The following LRRC4C variants were observed in gnomAD, a reference collection of about 807,000 sequenced individuals.
LRRC4C encodes the protein leucine-rich repeat-containing protein 4C.
LRRC4C carries 5 observed loss-of-function variants against 33.6 expected under a neutral mutation model. The ratio of observed to expected loss-of-function variants is 0.15; its 90% confidence interval spans 0.08 to 0.31. The LOEUF (loss-of-function observed/expected upper bound fraction) is 0.31, where lower values mean the gene tolerates loss of function less well. Ranked by LOEUF, LRRC4C falls within the 10% of genes least tolerant of loss-of-function variation. The pLI, the probability that LRRC4C is intolerant of heterozygous loss-of-function variation, is 1.00. For missense variants in LRRC4C, 560 were observed against 796.7 expected (o/e 0.70, Z 3.58); for synonymous variants, 329 against 302.0 (o/e 1.09, Z -0.93).
chr11:40,858,692 T>TAAAAAA (rs201131448), intron 2 of LRRC4C, among the ~76,000 whole-genome samples: 2 of 80,162 alleles, frequency 2.5e-5, no homozygotes, highest in African/African-American at 5.4e-5. Context: ...GACTCCTTCT[T>TAAAAAA]AAAAAAAAAA....
intron 3 of LRRC4C, among the ~76,000 whole-genome samples, chr11:40,619,332 A>C (rs1361295832): frequency 6.6e-6 from 1 of 151,780 alleles, no homozygotes; most frequent in Non-Finnish European, 1.5e-5. Flanking sequence ...TGGCTATCCC[A>C]TTCTTCATGG....
intron 1 of LRRC4C, among the ~76,000 whole-genome samples, chr11:41,438,697 C>T (rs1007672642): frequency 6.6e-6 from 1 of 152,138 alleles, no homozygotes; most frequent in Non-Finnish European, 1.5e-5. Context: ...TTTGGCTCCA[C>T]GTCAGCTTTT....
At chr11:41,427,025 T>C (rs939531918) in intron 1 of LRRC4C, among the ~76,000 whole-genome samples, 3 of 152,204 alleles carry the variant, frequency 2.0e-5, no homozygotes, top group Non-Finnish European at 4.4e-5. Context: ...CAGAACCAAT[T>C]TGATAATTTC....
chr11:40,359,518 C>G (rs1386364493), intron 3 of LRRC4C, among the ~76,000 whole-genome samples: 2 of 152,126 alleles, frequency 1.3e-5, no homozygotes, highest in Non-Finnish European at 2.9e-5. Context: ...GATGTGTATA[C>G]AAAACATCAC....
chr11:41,282,479 A>G (rs561008691), intron 1 of LRRC4C, among the ~76,000 whole-genome samples: 3 of 152,314 alleles, frequency 2.0e-5, no homozygotes, highest in Admixed American at 1.3e-4. Context: ...GCACTAACCA[A>G]TTCCAATGGG....
intron 3 of LRRC4C, among the ~76,000 whole-genome samples, chr11:40,464,181 C>G (rs1565414760): frequency 6.6e-6 from 1 of 151,908 alleles, no homozygotes; most frequent in Non-Finnish European, 1.5e-5. Context: ...GTATTTCATA[C>G]ACAAATCAAT....
intron 2 of LRRC4C, among the ~76,000 whole-genome samples, chr11:40,760,581 A>G (rs921164863): frequency 6.6e-6 from 1 of 151,606 alleles, no homozygotes; most frequent in African/African-American, 2.4e-5. Flanking sequence ...ATCATTTATT[A>G]TTTAGGATTG....
intron 3 of LRRC4C, among the ~76,000 whole-genome samples, chr11:40,455,200 C>T (rs538061399): frequency 1.2e-4 from 18 of 152,246 alleles, no homozygotes; most frequent in Middle Eastern, 3.4e-3. Flanking sequence ...GCTCCTGAAG[C>T]CCATATTTAA....
At chr11:41,329,491 A>T (rs941980390) in intron 1 of LRRC4C, among the ~76,000 whole-genome samples, 5 of 152,198 alleles carry the variant, frequency 3.3e-5, no homozygotes, top group African/African-American at 4.8e-5. Context: ...TGTAACCATG[A>T]TCCAAACATC....
intron 1 of LRRC4C, among the ~76,000 whole-genome samples, chr11:41,147,093 T>A (rs928986922): frequency 6.6e-6 from 1 of 152,218 alleles, no homozygotes; most frequent in Non-Finnish European, 1.5e-5. Context: ...TGAGTATTAT[T>A]TTTCTGGTGT....
Position 40,548,491 on chromosome 11 carries a change from T to C in LRRC4C, c.-270+99651A>G, listed in dbSNP as rs139972687. On this transcript the variant is annotated intron_variant, in intron 3 of 6. Transcript: ENST00000528697. The stretch of plus-strand genomic sequence containing the variant: ...GAAGAGATCCTTCCTGCACAGCTCC[T>C]AGAAGGAAACAACCATGGTGACACC... Among the ~76,000 whole-genome samples, 30 of 152,208 alleles carry C rather than the reference T, an allele frequency of 2.0e-4. No individual in the cohort carries two copies. In the East Asian group the frequency reaches 3.9e-3, roughly 20 times the overall value.
intron 2 of LRRC4C, among the ~76,000 whole-genome samples, chr11:40,708,342 G>T (rs529522072): frequency 6.6e-6 from 1 of 152,142 alleles, no homozygotes; most frequent in Non-Finnish European, 1.5e-5. Flanking sequence ...TTTCTTTTGT[G>T]GGCATTTAGT....
intron 1 of LRRC4C, among the ~76,000 whole-genome samples, chr11:41,007,405 A>T (rs2137472720): frequency 6.6e-6 from 1 of 152,224 alleles, no homozygotes; most frequent in African/African-American, 2.4e-5. Flanking sequence ...GCCAAGGATT[A>T]TACAATTTGG....
chr11:40,833,947 C>G (rs1952538785), intron 2 of LRRC4C, among the ~76,000 whole-genome samples: 1 of 152,060 alleles, frequency 6.6e-6, no homozygotes, highest in Non-Finnish European at 1.5e-5. Context: ...TATAAAAGAG[C>G]TGATCTAGGT....
chr11:41,308,439 C>A (rs1338221144), intron 1 of LRRC4C, among the ~76,000 whole-genome samples: 2 of 152,074 alleles, frequency 1.3e-5, no homozygotes, highest in East Asian at 3.9e-4. Context: ...CTGGCCTGAT[C>A]CTGTGCTGTG....
chr11:40,151,735 T>C (rs965654588), intron 5 of LRRC4C, among the ~76,000 whole-genome samples: 9 of 152,164 alleles, frequency 5.9e-5, no homozygotes, highest in African/African-American at 1.9e-4. Context: ...AAGCCTATAC[T>C]TTTGGATTCT....
At chr11:41,250,557 T>C (rs1298864051) in intron 1 of LRRC4C, among the ~76,000 whole-genome samples, 3 of 152,198 alleles carry the variant, frequency 2.0e-5, no homozygotes. Context: ...GTTCAGGCAT[T>C]CTGAGATAGG....
At chr11:40,384,493 G>C (rs1442409099) in intron 3 of LRRC4C, among the ~76,000 whole-genome samples, 2 of 152,102 alleles carry the variant, frequency 1.3e-5, no homozygotes, top group African/African-American at 4.8e-5. Context: ...TATAGTTTTT[G>C]CAAGTCATGT....
intron 2 of LRRC4C, among the ~76,000 whole-genome samples, chr11:40,735,407 T>A (rs11036052): frequency 1.4e-5 from 2 of 140,284 alleles, no homozygotes; most frequent in South Asian, 2.3e-4. Context: ...TGAGAACATG[T>A]GGTGTTTGGT....
Sources: allele counts gnomAD v4.1 joint callset (sites outside exome capture counted in the v4.1 genomes callset), GRCh38; gene constraint gnomAD v4.1.1; transcripts MANE v1.5; gene names NCBI Gene and HGNC (gene_info 2026-07-23, HGNC 2026-07-21).